Variants in CHORDC1 observed in about 807,000 individuals in gnomAD.
The protein encoded by CHORDC1 is cysteine and histidine rich domain containing 1.
A neutral mutation model predicts 48.3 loss-of-function variants in CHORDC1; 25 were observed. That is an observed-to-expected ratio of 0.52 (90% CI 0.38 to 0.72). The LOEUF is 0.72. Among genes scored for constraint, CHORDC1 ranks in the 30% least tolerant of loss-of-function variants. CHORDC1 has a pLI of 0.00. For missense variants in CHORDC1, 317 were observed against 388.7 expected, an observed-to-expected ratio of 0.82 and a Z score of 1.55; for synonymous variants, 128 against 126.4, an observed-to-expected ratio of 1.01 and a Z score of -0.09.
At chr11:90,215,525 T>C (rs189839280) in intron 2 of CHORDC1, among the ~76,000 whole-genome samples, 1 of 151,990 alleles carries the variant, frequency 6.6e-6, no homozygotes, top group Non-Finnish European at 1.5e-5. Context: ...GCTTTTTTTT[T>C]AGAAGAAAAA....
At chr11:90,216,605 A>C (rs1028287071) in intron 2 of CHORDC1, 2 of 413,594 alleles carry the variant, frequency 4.8e-6, no homozygotes. Context: ...ACAACTGCAA[A>C]AGAGAGAGAA....
chr11:90,200,706 A>G lies in CHORDC1; in HGVS notation c.*1699T>C, dbSNP rs149177479. 4.3e-3 allele frequency among the ~76,000 whole-genome samples: 647 copies of G among 152,094 alleles called. 4 individuals are homozygous for G. Among genetic ancestry groups the G allele is most frequent in the South Asian group, 0.015 (71 of 4,826 alleles). On this transcript the variant is annotated 3_prime_UTR_variant, in exon 11 of 11. Coordinates refer to ENST00000320585, the MANE Select transcript of CHORDC1 (RefSeq NM_012124.3). Reference sequence around the variant, plus strand: ...TCAATGTAACTAATCTGAGGTTACAATAACTCACTGCTTCAAATAATATTT... The same window carrying G: ...TCAATGTAACTAATCTGAGGTTACAGTAACTCACTGCTTCAAATAATATTT...
Position 90,202,284 on chromosome 11 carries a change from A to C in CHORDC1, c.*121T>G. Reference sequence around the variant, plus strand: ...CTTTGGCTTTTAAGAACCTAATGTTAACCCTGAAATGCCACATTCAGTAAC... The same window carrying C: ...CTTTGGCTTTTAAGAACCTAATGTTCACCCTGAAATGCCACATTCAGTAAC... On this transcript the variant is annotated 3_prime_UTR_variant, in exon 11 of 11. Transcript: ENST00000320585. 1 of 926,262 alleles carries C rather than the reference A, an allele frequency of 1.1e-6. No homozygotes were observed. The allele number at this position is 926,262 out of a possible 1,614,324, so 57.4% of individuals were successfully genotyped here. A position where few individuals can be genotyped will look rare whatever the true frequency, so the allele number is the denominator to read the frequency against.
chr11:90,219,620 T>C (rs180956628), intron 1 of CHORDC1, among the ~76,000 whole-genome samples: 2 of 152,356 alleles, frequency 1.3e-5, no homozygotes, highest in African/African-American at 4.8e-5. Context: ...ATATGTGCCT[T>C]AAGGACATGT....
chr11:90,220,465 T>C (rs1858138283), intron 1 of CHORDC1, among the ~76,000 whole-genome samples: 1 of 152,044 alleles, frequency 6.6e-6, no homozygotes, highest in Admixed American at 6.6e-5. Flanking sequence ...GGAATGGAAG[T>C]AGAGAATAGA....
chr11:90,204,343 T>C (rs1179414951), intron 8 of CHORDC1, among the ~76,000 whole-genome samples: 1 of 152,228 alleles, frequency 6.6e-6, no homozygotes, highest in Non-Finnish European at 1.5e-5. Context: ...ACTCTTTTTA[T>C]TTAAAAACAT....
intron 6 of CHORDC1, chr11:90,207,531 A>G (rs1470663764): frequency 6.6e-6 from 1 of 152,146 alleles, no homozygotes; most frequent in African/African-American, 2.4e-5. Flanking sequence ...CAAAGTCGTC[A>G]TTAAGACAGT....
intron 6 of CHORDC1, chr11:90,206,739 G>A (rs2135032116): frequency 7.9e-7 from 1 of 1,264,740 alleles, no homozygotes; most frequent in Admixed American, 2.3e-5. Flanking sequence ...GGTAAAATGA[G>A]CTGCAGACCT....
intron 6 of CHORDC1, chr11:90,206,685 T>C: frequency 1.4e-6 from 1 of 733,800 alleles, no homozygotes; most frequent in East Asian, 6.5e-5. Flanking sequence ...TAATAAGCAA[T>C]TCTGGAAGTT....
intron 1 of CHORDC1, 106 bp from the exon 2 acceptor site, chr11:90,218,290 G>GC (rs746713816): frequency 6.2e-5 from 46 of 737,670 alleles, no homozygotes; most frequent in Admixed American, 2.9e-4. Context: ...TTTTCCAAAC[G>GC]CAAGTACCTT....
Position 90,222,966 on chromosome 11 carries a change from A to G in CHORDC1, c.-12T>C, listed in dbSNP as rs749562244. On this transcript the variant is annotated 5_prime_UTR_variant, in exon 1 of 11. Transcript: ENST00000320585. ...CACAGCAAGGCCATTTTCTTTTCCC[A>G]CCGTCACAGGCAAGGCCCAAACACC... 6.2e-7 allele frequency: 1 copy of G among 1,612,190 alleles called. No homozygotes were observed. Among genetic ancestry groups the G allele is most frequent in the South Asian group, 1.1e-5 (1 of 91,012 alleles).
chr11:90,216,903 C>T (rs1858026573), intron 2 of CHORDC1, among the ~76,000 whole-genome samples: 1 of 151,922 alleles, frequency 6.6e-6, no homozygotes, highest in South Asian at 2.1e-4. Context: ...CAAAGGTTAC[C>T]TTTAAGAGCT....
chr11:90,215,060 T>C (rs956136292), intron 3 of CHORDC1, 114 bp downstream of exon 3: 14 of 510,474 alleles, frequency 2.7e-5, no homozygotes, highest in Non-Finnish European at 4.5e-5. Flanking sequence ...AGGTGTTATC[T>C]GCAAGTTGAT....
intron 6 of CHORDC1, 191 bp from the exon 7 acceptor site, chr11:90,206,463 GT>G: frequency 2.0e-6 from 1 of 503,158 alleles, no homozygotes; most frequent in Non-Finnish European, 3.6e-6. Context: ...ACTTGGTTAA[GT>G]TTTAGGTTCC....
intron 5 of CHORDC1, chr11:90,210,829 T>C: frequency 2.3e-6 from 1 of 438,152 alleles, no homozygotes; most frequent in South Asian, 3.9e-5. Flanking sequence ...ATCCAGTATC[T>C]TAACTTTGTA....
intron 1 of CHORDC1, among the ~76,000 whole-genome samples, chr11:90,222,148 C>G (rs1039405131): frequency 4.6e-5 from 7 of 152,334 alleles, no homozygotes; most frequent in Admixed American, 1.3e-4. Flanking sequence ...CGTCCTTCAC[C>G]TAATAGTCAT....
At chr11:90,211,093 G>T (rs1330826461) in intron 5 of CHORDC1, 122 bp downstream of exon 5, 7 of 594,836 alleles carry the variant, frequency 1.2e-5, no homozygotes, top group Non-Finnish European at 1.4e-5. Context: ...AGAAGAAAAA[G>T]TTTCTTAACT....
Position 90,210,897 on chromosome 11 carries a change from A to G in CHORDC1, c.434-303T>C, listed in dbSNP as rs573439404. ...GGTACCAGGTATAAAGTCAGAGAAT[A>G]GTGAATATATTTTGTATAATGTACA... On this transcript the variant is annotated intron_variant, in intron 5 of 10. Transcript: ENST00000320585. The G allele has an allele frequency of 1.1e-4, 36 of 337,938 alleles. 1 individual carries two copies. In the South Asian group the frequency reaches 2.0e-3, roughly 19 times the overall value. 20.9% of individuals were successfully genotyped at this position (337,938 alleles called of 1,614,324 possible). A position where few individuals can be genotyped will look rare whatever the true frequency, so the allele number is the denominator to read the frequency against.
At chr11:90,218,212 G>A (rs1858069008) in intron 1 of CHORDC1, 28 bp from the exon 2 acceptor site, 7 of 1,377,288 alleles carry the variant, frequency 5.1e-6, no homozygotes, top group Non-Finnish European at 6.0e-6. Flanking sequence ...AAAAAAAAAA[G>A]TACCACTCTT....
Sources: gnomAD v4.1 joint callset for allele counts (sites outside exome capture counted in the v4.1 genomes callset) on GRCh38, gnomAD v4.1.1 for gene constraint, MANE v1.5 for transcripts, NCBI Gene and HGNC (gene_info 2026-07-23, HGNC 2026-07-21) for gene names.